CNTNAP5: variants seen among roughly 807,000 people sequenced by gnomAD.
CNTNAP5 encodes contactin-associated protein-like 5.
Under a neutral mutation model 150.2 loss-of-function variants are expected in CNTNAP5, and 72 were observed. The observed-to-expected ratio is 0.48, with a 90% CI of 0.40 to 0.58. The LOEUF is 0.58. Ranked by LOEUF, CNTNAP5 falls within the 20% of genes least tolerant of loss-of-function variation. CNTNAP5 has a pLI of 0.00. For synonymous variants in CNTNAP5, 672 were observed against 619.8 expected, an observed-to-expected ratio of 1.08 and a Z score of -1.25; for missense variants, 1,636 against 1,626.2, an observed-to-expected ratio of 1.01 and a Z score of -0.10.
intron 19 of CNTNAP5, among the ~76,000 whole-genome samples, chr2:124,858,534 C>T (rs953300684): frequency 1.5e-4 from 23 of 152,126 alleles, no homozygotes; most frequent in African/African-American, 5.6e-4. Context: ...CAAGCCACTG[C>T]TCAGTGAAAT....
At chr2:124,737,879 C>G (rs1183280912) in intron 13 of CNTNAP5, among the ~76,000 whole-genome samples, 1 of 151,870 alleles carries the variant, frequency 6.6e-6, no homozygotes, top group Non-Finnish European at 1.5e-5. Context: ...AAGGTATTTA[C>G]CTCATAGTGT....
rs576868089 is a variant in CNTNAP5 at position 124,637,677 on chromosome 2, G to A, written c.1877-10081G>A. 1.2e-3 allele frequency among the ~76,000 whole-genome samples: 183 copies of A among 152,292 alleles called. 1 individual carries two copies. The highest frequency in any genetic ancestry group is 3.3e-3 in the Admixed American group (51 of 15,302). Reference sequence around the variant, plus strand: ...AAGTTATTACACTGGAATCTGTGACGTGTTGCTTTTCTAATTCTACAATTT... The same window carrying A: ...AAGTTATTACACTGGAATCTGTGACATGTTGCTTTTCTAATTCTACAATTT... On this transcript the variant is annotated intron_variant, in intron 12 of 23. Transcript: ENST00000682447.
At chr2:124,122,244 T>G (rs901754058) in intron 1 of CNTNAP5, among the ~76,000 whole-genome samples, 1 of 152,214 alleles carries the variant, frequency 6.6e-6, no homozygotes, top group Non-Finnish European at 1.5e-5. Flanking sequence ...AACTGTAACA[T>G]GATTGATAAC....
rs536205175 is a variant in CNTNAP5, at chr2:124,038,147, A to C, written c.82+12415A>C. Among the ~76,000 whole-genome samples the C allele has an allele frequency of 3.3e-5, 5 of 152,312 alleles. No homozygotes were observed. In the South Asian group the frequency reaches 8.3e-4, roughly 25 times the overall value. ...TATTTTTCACCACTGATTATCACTGACTAGTGCTCAGTGATGGGACCCTGT... is the reference window on the plus strand; with the variant it reads ...TATTTTTCACCACTGATTATCACTGCCTAGTGCTCAGTGATGGGACCCTGT... On this transcript the variant is annotated intron_variant, in intron 1 of 23. Coordinates refer to ENST00000682447, the MANE Select transcript of CNTNAP5 (RefSeq NM_001367498.1).
chr2:124,418,557 T>C (rs1355265137), intron 4 of CNTNAP5, among the ~76,000 whole-genome samples: 3 of 152,190 alleles, frequency 2.0e-5, no homozygotes, highest in African/African-American at 7.2e-5. Flanking sequence ...AAGTAAACTA[T>C]GGATATAGAG....
chr2:124,744,464 T>C (rs1680564475), intron 13 of CNTNAP5, among the ~76,000 whole-genome samples: 1 of 152,176 alleles, frequency 6.6e-6, no homozygotes, highest in African/African-American at 2.4e-5. Context: ...TTCTAAATAC[T>C]AAATTATATA....
At chr2:124,744,590 C>G (rs933083945) in intron 13 of CNTNAP5, among the ~76,000 whole-genome samples, 2 of 152,088 alleles carry the variant, frequency 1.3e-5, no homozygotes, top group African/African-American at 4.8e-5. Context: ...TGCCTAGAAA[C>G]TTGTCTGAAA....
intron 6 of CNTNAP5, among the ~76,000 whole-genome samples, chr2:124,456,589 A>G (rs1334811471): frequency 6.6e-6 from 1 of 152,146 alleles, no homozygotes; most frequent in African/African-American, 2.4e-5. Flanking sequence ...ATATGGAACT[A>G]AAAAGGAGCC....
intron 23 of CNTNAP5, 73 bp downstream of exon 23, chr2:124,911,611 T>C: frequency 8.1e-7 from 1 of 1,235,272 alleles, no homozygotes; most frequent in African/African-American, 1.5e-5. Flanking sequence ...TATCTGAAGC[T>C]TTCCTTAATT....
chr2:124,598,518 C>T (rs1253915224), intron 11 of CNTNAP5, among the ~76,000 whole-genome samples: 139 of 121,066 alleles, frequency 1.1e-3, no homozygotes, highest in African/African-American at 3.4e-3. Flanking sequence ...TCTCCAGCTG[C>T]GTGCTGGGAG....
chr2:124,120,622 C>A (rs1191971429), intron 1 of CNTNAP5, among the ~76,000 whole-genome samples: 1 of 152,152 alleles, frequency 6.6e-6, no homozygotes, highest in Non-Finnish European at 1.5e-5. Flanking sequence ...AACCAACCAA[C>A]CAAACCACGT....
intron 8 of CNTNAP5, 94 bp downstream of exon 8, chr2:124,504,650 G>T (rs1397617591): frequency 1.6e-6 from 2 of 1,239,388 alleles, no homozygotes; most frequent in Non-Finnish European, 2.3e-6. Context: ...CAAATCTCAG[G>T]GATATGGGTT....
rs184201304 is a variant in CNTNAP5, at chr2:124,222,408, G to A, written c.187+599G>A. On this transcript the variant is annotated intron_variant, in intron 2 of 23. Transcript: ENST00000682447. ...TGATGTTGGATATCTAGGCAGATAC[G>A]TTTTAGTCAGATTTGGATGTTGACT... Among the ~76,000 whole-genome samples the A allele has an allele frequency of 1.8e-4, 28 of 152,146 alleles. No homozygotes were observed. In the East Asian group the frequency reaches 2.5e-3, roughly 14 times the overall value.
intron 6 of CNTNAP5, among the ~76,000 whole-genome samples, chr2:124,469,142 C>G (rs1693446539): frequency 6.6e-6 from 1 of 152,188 alleles, no homozygotes; most frequent in Non-Finnish European, 1.5e-5. Context: ...TTGTCTCAAC[C>G]AACTGCCTCT....
chr2:124,477,982 G>T (rs530513638), intron 7 of CNTNAP5, among the ~76,000 whole-genome samples: 67 of 152,088 alleles, frequency 4.4e-4, no homozygotes, highest in Non-Finnish European at 7.5e-4. Flanking sequence ...GGGCTTAAAA[G>T]TATAAAAGCC....
chr2:124,230,777 C>T (rs1005965019), intron 2 of CNTNAP5, among the ~76,000 whole-genome samples: 4 of 152,120 alleles, frequency 2.6e-5, no homozygotes, highest in African/African-American at 9.7e-5. Flanking sequence ...GGTGATCCAC[C>T]TGCCCTGGCC....
chr2:124,661,615 A>G (rs1302199717), intron 13 of CNTNAP5, among the ~76,000 whole-genome samples: 9 of 152,094 alleles, frequency 5.9e-5, no homozygotes, highest in African/African-American at 2.2e-4. Context: ...ACTGATAAAA[A>G]TAGTATAATA....
intron 1 of CNTNAP5, among the ~76,000 whole-genome samples, chr2:124,209,605 T>C (rs1685952895): frequency 2.0e-5 from 3 of 152,190 alleles, no homozygotes; most frequent in African/African-American, 4.8e-5. Flanking sequence ...TTTAAGACTG[T>C]CCTCCCCTTA....
At chr2:124,227,330 T>G (rs79685851) in intron 2 of CNTNAP5, among the ~76,000 whole-genome samples, 11,568 of 152,158 alleles carry the variant, frequency 0.076, 614 homozygotes, top group Non-Finnish European at 0.12. Context: ...CAAGAGGGTA[T>G]GGTGAACCTG....
Sources: allele counts gnomAD v4.1 joint callset (sites outside exome capture counted in the v4.1 genomes callset), GRCh38; gene constraint gnomAD v4.1.1; transcripts MANE v1.5; gene names NCBI Gene and HGNC (gene_info 2026-07-23, HGNC 2026-07-21).